Variants in CCSER1 observed in about 807,000 individuals in gnomAD.
CCSER1 encodes serine-rich coiled-coil domain-containing protein 1.
A neutral mutation model predicts 82.0 loss-of-function variants in CCSER1; 41 were observed. That is an observed-to-expected ratio of 0.50 (90% CI 0.39 to 0.65). The LOEUF (loss-of-function observed/expected upper bound fraction) is 0.65, where lower values mean the gene tolerates loss of function less well. Among genes scored for constraint, CCSER1 ranks in the 30% least tolerant of loss-of-function variants. The probability of loss-of-function intolerance (pLI) is 0.00; values close to 1 mark genes in which losing one functional copy is unlikely to be tolerated. For synonymous variants in CCSER1, 414 were observed against 383.9 expected, an observed-to-expected ratio of 1.08 and a Z score of -0.92; for missense variants, 1,119 against 1,064.2, an observed-to-expected ratio of 1.05 and a Z score of -0.72.
At chr4:91,356,007 C>T (rs547425353) in intron 10 of CCSER1, among the ~76,000 whole-genome samples, 1 of 152,296 alleles carries the variant, frequency 6.6e-6, no homozygotes, top group East Asian at 1.9e-4. Flanking sequence ...CTAATGGTGT[C>T]CTTTGGTATT....
chr4:90,712,727 T>C (rs1375909140), intron 6 of CCSER1, among the ~76,000 whole-genome samples: 1 of 151,578 alleles, frequency 6.6e-6, no homozygotes, highest in African/African-American at 2.4e-5. Flanking sequence ...CCTAATATTG[T>C]TATTGGGGCA....
intron 1 of CCSER1, among the ~76,000 whole-genome samples, chr4:90,196,462 C>A (rs1008479840): frequency 6.6e-6 from 1 of 151,980 alleles, no homozygotes; most frequent in African/African-American, 2.4e-5. Context: ...TCCCAGGGGC[C>A]AGCCCACATC....
chr4:90,785,061 C>T (rs954138747), intron 7 of CCSER1, among the ~76,000 whole-genome samples: 1 of 151,974 alleles, frequency 6.6e-6, no homozygotes, highest in Admixed American at 6.6e-5. Flanking sequence ...ACAGTTCAAA[C>T]CTGTATATTA....
intron 10 of CCSER1, among the ~76,000 whole-genome samples, chr4:91,090,230 A>G (rs1193195379): frequency 6.6e-6 from 1 of 152,126 alleles, no homozygotes; most frequent in African/African-American, 2.4e-5. Context: ...GTCTGTTTTT[A>G]TGGGCAGTAG....
chr4:90,199,121 G>T (rs1432606941), intron 1 of CCSER1, among the ~76,000 whole-genome samples: 1 of 152,110 alleles, frequency 6.6e-6, no homozygotes, highest in Non-Finnish European at 1.5e-5. Context: ...CAGCTGGTCA[G>T]CAGTCTTTAG....
chr4:90,768,228 A>G (rs909296238), intron 7 of CCSER1, among the ~76,000 whole-genome samples: 2 of 152,182 alleles, frequency 1.3e-5, no homozygotes, highest in Admixed American at 6.6e-5. Flanking sequence ...CCAAATGACT[A>G]CTTGGAAACA....
At chr4:91,442,517 C>A (rs1755245156) in intron 10 of CCSER1, among the ~76,000 whole-genome samples, 4 of 134,090 alleles carry the variant, frequency 3.0e-5, no homozygotes, top group African/African-American at 1.1e-4. Context: ...ACCATAAAAA[C>A]CCTAGAAGAA....
At chr4:91,006,415 T>G (rs988992555) in intron 9 of CCSER1, among the ~76,000 whole-genome samples, 1 of 152,088 alleles carries the variant, frequency 6.6e-6, no homozygotes, top group Non-Finnish European at 1.5e-5. Flanking sequence ...TTTCTATATA[T>G]AAAATGATGT....
intron 5 of CCSER1, among the ~76,000 whole-genome samples, chr4:90,532,632 A>G (rs1170428890): frequency 2.0e-5 from 3 of 152,124 alleles, no homozygotes; most frequent in South Asian, 4.1e-4. Flanking sequence ...ACAATAGGTA[A>G]ATAAATAGCT....
At position 91,496,816 on chromosome 4, in the gene CCSER1, A is replaced by C. The variant is rs1444056751; in HGVS notation, c.2218-101756A>C. On this transcript the variant is annotated intron_variant, in intron 10 of 10. Transcript: ENST00000509176. Reference sequence around the variant, plus strand: ...TATATATTTGAATATATATATATTCAATATATATTGAATATATATTGAATA... The same window carrying C: ...TATATATTTGAATATATATATATTCCATATATATTGAATATATATTGAATA... Among the ~76,000 whole-genome samples the C allele has an allele frequency of 6.0e-4, 53 of 87,886 alleles. 6 individuals are homozygous for C. Among genetic ancestry groups the C allele is most frequent in the African/African-American group, 2.1e-3 (53 of 25,670 alleles). The allele number at this position is 87,886 out of a possible 152,430, so 57.7% of individuals were successfully genotyped here.
At chr4:90,382,406 C>A (rs1399894444) in intron 3 of CCSER1, among the ~76,000 whole-genome samples, 1 of 151,914 alleles carries the variant, frequency 6.6e-6, no homozygotes, top group Non-Finnish European at 1.5e-5. Context: ...AACTCTATAC[C>A]TTAACCGATC....
intron 10 of CCSER1, among the ~76,000 whole-genome samples, chr4:91,148,357 C>T (rs1046249782): frequency 3.9e-5 from 6 of 151,980 alleles, no homozygotes; most frequent in Non-Finnish European, 7.4e-5. Context: ...AGCTGGAACT[C>T]TATTAATGAG....
intron 8 of CCSER1, among the ~76,000 whole-genome samples, chr4:90,824,487 A>G (rs1432817498): frequency 6.6e-6 from 1 of 152,114 alleles, no homozygotes. Context: ...AGAAATACAT[A>G]TGGCTAACTA....
chr4:90,593,243 C>A (rs1782919797), intron 5 of CCSER1, among the ~76,000 whole-genome samples: 1 of 151,740 alleles, frequency 6.6e-6, no homozygotes, highest in African/African-American at 2.4e-5. Context: ...AGCAAAGGAG[C>A]AAACAAAAAA....
intron 10 of CCSER1, among the ~76,000 whole-genome samples, chr4:91,533,817 T>A (rs1301198044): frequency 6.6e-6 from 1 of 152,102 alleles, no homozygotes; most frequent in Non-Finnish European, 1.5e-5. Context: ...GTTTAAACAT[T>A]ATTCATTCAC....
chr4:90,966,740 A>G (rs1265953174), intron 9 of CCSER1, among the ~76,000 whole-genome samples: 2 of 152,122 alleles, frequency 1.3e-5, no homozygotes, highest in Non-Finnish European at 2.9e-5. Flanking sequence ...ATCAAATACA[A>G]TTGCAGAAAG....
At chr4:90,368,578 G>C (rs1746723556) in intron 3 of CCSER1, among the ~76,000 whole-genome samples, 1 of 151,876 alleles carries the variant, frequency 6.6e-6, no homozygotes, top group Non-Finnish European at 1.5e-5. Flanking sequence ...GCTGAAGTGA[G>C]CCATGATGGC....
intron 9 of CCSER1, chr4:90,951,405 C>T (rs578250636): frequency 3.3e-5 from 5 of 152,052 alleles, no homozygotes; most frequent in Admixed American, 2.0e-4. Flanking sequence ...GGGCATCACT[C>T]CCTTTTTCAA....
intron 7 of CCSER1, among the ~76,000 whole-genome samples, chr4:90,729,598 G>A (rs937769749): frequency 9.9e-5 from 15 of 152,078 alleles, no homozygotes; most frequent in African/African-American, 2.9e-4. Flanking sequence ...TATATTGGCC[G>A]GGCGCAGTGG....
Sources: gnomAD v4.1 joint callset for allele counts (sites outside exome capture counted in the v4.1 genomes callset) on GRCh38, gnomAD v4.1.1 for gene constraint, MANE v1.5 for transcripts, NCBI Gene and HGNC (gene_info 2026-07-23, HGNC 2026-07-21) for gene names.